CRMP1: variants seen among roughly 807,000 people sequenced by gnomAD.
CRMP1 encodes the protein collapsin response mediator protein 1.
A neutral mutation model predicts 68.3 loss-of-function variants in CRMP1; 19 were observed. The observed-to-expected ratio is 0.28, with a 90% CI of 0.19 to 0.41. The LOEUF is 0.41. Among genes scored for constraint, CRMP1 ranks in the 10% least tolerant of loss-of-function variants. The pLI, the probability that CRMP1 is intolerant of heterozygous loss-of-function variation, is 1.00. For synonymous variants in CRMP1, 439 were observed against 399.6 expected, an observed-to-expected ratio of 1.10 and a Z score of -1.18; for missense variants, 791 against 967.4, an observed-to-expected ratio of 0.82 and a Z score of 2.42.
intron 11 of CRMP1, 103 bp downstream of exon 11, chr4:5,835,812 C>T: frequency 7.8e-7 from 1 of 1,278,898 alleles, no homozygotes; most frequent in Non-Finnish European, 1.0e-6. Context: ...GATATCAGAT[C>T]ACATCCTAGT....
Position 5,841,251 on chromosome 4 carries a change from A to G in CRMP1, c.1153+57T>C, listed in dbSNP as rs1194392530. 1 of 1,613,002 alleles carries G rather than the reference A, an allele frequency of 6.2e-7. No individual in the cohort carries two copies. Among genetic ancestry groups the G allele is most frequent in the Non-Finnish European group, 8.5e-7 (1 of 1,179,712 alleles). ...CGGGAGGGAGTGAACTTGAACCTGC[A>G]GGACACCCCCTTCCAGGCCCCAGCT... On this transcript the variant is annotated intron_variant, in intron 8 of 13. Transcript: ENST00000324989. The surrounding 1 kb of genome is among the most constrained non-coding windows in gnomAD (Gnocchi z 6.9).
chr4:5,821,529 C>A lies in CRMP1; in HGVS notation c.*231G>T. The A allele has an allele frequency of 1.8e-6, 1 of 543,142 alleles. No homozygotes were observed. Among genetic ancestry groups the A allele is most frequent in the East Asian group, 2.8e-5 (1 of 35,216 alleles). The allele number at this position is 543,142 out of a possible 1,614,324, so 33.6% of individuals were successfully genotyped here. On this transcript the variant is annotated 3_prime_UTR_variant, in exon 14 of 14. Coordinates refer to ENST00000324989, the MANE Select transcript of CRMP1 (RefSeq NM_001014809.3). The surrounding 1 kb of genome is among the most constrained non-coding windows in gnomAD (Gnocchi z 4.4). ...CACTAGGAAGGGGGAATGAAAACAC[C>A]ATGCTCCGAGGTGGATTCAGCATGA...
intron 11 of CRMP1, 52 bp downstream of exon 11, chr4:5,835,860 AATG>A: frequency 7.3e-7 from 1 of 1,370,146 alleles, no homozygotes; most frequent in Non-Finnish European, 9.5e-7. Context: ...AGTCTTTAAA[AATG>A]ATTACAACGA....
At chr4:5,822,448 C>A (rs1182694311) in intron 13 of CRMP1, among the ~76,000 whole-genome samples, 1 of 151,756 alleles carries the variant, frequency 6.6e-6, no homozygotes, top group Non-Finnish European at 1.5e-5. Flanking sequence ...CATGTGAACT[C>A]CGCAAGCTGG....
Position 5,866,616 on chromosome 4 carries a change from C to T in CRMP1, c.470+52G>A, listed in dbSNP as rs377567179. ...GCCAGCCTTCTGTTCCATCTAAGGC[C>T]AGGCAGCCTGGCGACACAGGTTTCT... is the stretch of plus-strand genomic sequence containing the variant. On this transcript the variant is annotated intron_variant, in intron 2 of 13. Coordinates refer to ENST00000324989, the MANE Select transcript of CRMP1 (RefSeq NM_001014809.3). The surrounding 1 kb of genome is among the most constrained non-coding windows in gnomAD (Gnocchi z 5.9). The T allele has an allele frequency of 4.3e-6, 6 of 1,388,918 alleles. No individual in the cohort carries two copies. Among genetic ancestry groups the T allele is most frequent in the Non-Finnish European group, 5.1e-6 (5 of 981,756 alleles). The allele number at this position is 1,388,918 out of a possible 1,614,324, so 86.0% of individuals were successfully genotyped here. A position where few individuals can be genotyped will look rare whatever the true frequency, so the allele number is the denominator to read the frequency against.
intron 2 of CRMP1, among the ~76,000 whole-genome samples, chr4:5,863,952 C>T (rs187177350): frequency 2.0e-5 from 3 of 152,266 alleles, no homozygotes; most frequent in Admixed American, 1.3e-4. Context: ...TTCACAAGTC[C>T]GGAGTAGGAC....
At chr4:5,827,066 C>T (rs1057063975) in intron 12 of CRMP1, among the ~76,000 whole-genome samples, 2 of 152,228 alleles carry the variant, frequency 1.3e-5, no homozygotes, top group Non-Finnish European at 2.9e-5. Flanking sequence ...CAGGTCTCTC[C>T]TTCACCTGGT....
Position 5,892,080 on chromosome 4 carries a change from C to T in CRMP1, c.381+509G>A, listed in dbSNP as rs559566978. On this transcript the variant is annotated intron_variant, in intron 1 of 13. Coordinates refer to ENST00000324989, the MANE Select transcript of CRMP1 (RefSeq NM_001014809.3). This position sits in a 1 kb window ranked among gnomAD's most constrained non-coding sequence, Gnocchi z 8.6. ...AGGGGAGCGCTCGGAAAAAAAGCTC[C>T]TTCCAGCTTTAAGCTGTGTGGCCGC... Among the ~76,000 whole-genome samples, 2 of 152,294 alleles carry T rather than the reference C, an allele frequency of 1.3e-5. No homozygotes were observed. The highest frequency in any genetic ancestry group is 2.9e-5 in the Non-Finnish European group (2 of 68,024).
At chr4:5,868,261 C>CTATCTATCTATATATATA (rs1210674102) in intron 1 of CRMP1, among the ~76,000 whole-genome samples, 2 of 111,456 alleles carry the variant, frequency 1.8e-5, no homozygotes, top group African/African-American at 3.4e-5. Flanking sequence ...GACTATATAT[C>CTATCTATCTATATATATA]TATATATATA....
In CRMP1 at chr4:5,890,829, C is replaced by G. The variant is rs1048465571; in HGVS notation, c.381+1760G>C. 6.6e-6 allele frequency among the ~76,000 whole-genome samples: 1 copy of G among 152,078 alleles called. No individual in the cohort carries two copies. Among genetic ancestry groups the G allele is most frequent in the African/African-American group, 2.4e-5 (1 of 41,418 alleles). On this transcript the variant is annotated intron_variant, in intron 1 of 13. Transcript: ENST00000324989. This position sits in a 1 kb window ranked among gnomAD's most constrained non-coding sequence, Gnocchi z 5.5. ...TTGACCGCAGTTCCAGAGGAACTCT[C>G]CTTGGGACAGCTACGGGCCGTGCAC...
Position 5,841,908 on chromosome 4 carries a change from C to T in CRMP1, c.1033-480G>A, listed in dbSNP as rs1006391414. Among the ~76,000 whole-genome samples the T allele has an allele frequency of 4.6e-5, 7 of 152,292 alleles. No individual in the cohort carries two copies. Among genetic ancestry groups the T allele is most frequent in the South Asian group, 2.1e-4 (1 of 4,826 alleles). On this transcript the variant is annotated intron_variant, in intron 7 of 13. Transcript: ENST00000324989. This position sits in a 1 kb window ranked among gnomAD's most constrained non-coding sequence, Gnocchi z 6.9. ...AAAATGTCCTCAACTTGGCCAGGCA[C>T]GGTGGCTCACACCTGTAATCCCAGC...
At chr4:5,840,272 C>T (rs1357663716) in intron 8 of CRMP1, among the ~76,000 whole-genome samples, 2 of 152,218 alleles carry the variant, frequency 1.3e-5, no homozygotes, top group East Asian at 1.9e-4. Context: ...TGCCGGAGGG[C>T]GGCTTCCCGA....
In CRMP1 at chr4:5,865,440, T is replaced by G. The variant is rs1713918085; in HGVS notation, c.470+1228A>C. 6.6e-6 allele frequency among the ~76,000 whole-genome samples: 1 copy of G among 151,810 alleles called. No individual in the cohort carries two copies. The highest frequency in any genetic ancestry group is 1.5e-5 in the Non-Finnish European group (1 of 67,978). On this transcript the variant is annotated intron_variant, in intron 2 of 13. Coordinates refer to ENST00000324989, the MANE Select transcript of CRMP1 (RefSeq NM_001014809.3). This position sits in a 1 kb window ranked among gnomAD's most constrained non-coding sequence, Gnocchi z 4.1. ...ATCGAGACCATCCTGGCCAACATGG[T>G]GAAACCCCCGTCTCTACTAAAATGC...
intron 3 of CRMP1, among the ~76,000 whole-genome samples, chr4:5,857,769 T>C (rs972792111): frequency 6.6e-6 from 1 of 152,108 alleles, no homozygotes; most frequent in African/African-American, 2.4e-5. Flanking sequence ...TGCTCCAAGC[T>C]ACCTCCTTTG....
chr4:5,867,556 C>T (rs981773405), intron 1 of CRMP1, among the ~76,000 whole-genome samples: 1 of 152,224 alleles, frequency 6.6e-6, no homozygotes, highest in African/African-American at 2.4e-5. Context: ...TCTTCCCCCA[C>T]AGTGCACACA....
intron 9 of CRMP1, among the ~76,000 whole-genome samples, chr4:5,837,336 A>G (rs188059003): frequency 6.6e-6 from 1 of 152,186 alleles, no homozygotes; most frequent in East Asian, 1.9e-4. Context: ...AGACAATAAA[A>G]TGAATGGACC....
rs963371516 is a variant in CRMP1, at chr4:5,858,590, C to A, written c.656-2283G>T. 2.0e-5 allele frequency among the ~76,000 whole-genome samples: 3 copies of A among 152,140 alleles called. No individual in the cohort carries two copies. The highest frequency in any genetic ancestry group is 7.2e-5 in the African/African-American group (3 of 41,402). ...TTCTGCCCACTCCATGGCCACGCCA[C>A]CCTCATCTCTCAGCTGAATTACGCA... is the stretch of plus-strand genomic sequence containing the variant. On this transcript the variant is annotated intron_variant, in intron 3 of 13. Coordinates refer to ENST00000324989, the MANE Select transcript of CRMP1 (RefSeq NM_001014809.3). The surrounding 1 kb of genome is among the most constrained non-coding windows in gnomAD (Gnocchi z 5.5).
chr4:5,825,967 G>A lies in CRMP1; in HGVS notation c.1804-308C>T. 1 of 422,732 alleles carries A rather than the reference G, an allele frequency of 2.4e-6. No homozygotes were observed. The highest frequency in any genetic ancestry group is 2.8e-5 in the South Asian group (1 of 35,132). 26.2% of individuals were successfully genotyped at this position (422,732 alleles called of 1,614,324 possible). On this transcript the variant is annotated intron_variant, in intron 12 of 13. Transcript: ENST00000324989. The surrounding 1 kb of genome is among the most constrained non-coding windows in gnomAD (Gnocchi z 4.4). ...GCACACATATATGCATGCACATGCA[G>A]TAACAAAACAGGCCTACACAGTAGC...
chr4:5,856,470 C>G (rs947221681), intron 3 of CRMP1, among the ~76,000 whole-genome samples, 163 bp from the exon 4 acceptor site: 2 of 151,820 alleles, frequency 1.3e-5, no homozygotes, highest in African/African-American at 4.8e-5. Context: ...CAGCCACCAT[C>G]ATTATCACCA....
Sources: gnomAD v4.1 joint callset for allele counts (sites outside exome capture counted in the v4.1 genomes callset) on GRCh38, gnomAD v4.1.1 for gene constraint, Gnocchi (gnomAD v3.1) non-coding constraint, MANE v1.5 for transcripts, NCBI Gene and HGNC (gene_info 2026-07-23, HGNC 2026-07-21) for gene names.